The following NALF1 variants were observed in gnomAD, a reference collection of about 807,000 sequenced individuals.
The protein encoded by NALF1 is family with sequence similarity 155 member A.
In NALF1, 3 loss-of-function variants were observed where a neutral mutation model predicts 48.4. The ratio of observed to expected loss-of-function variants is 0.06; its 90% confidence interval spans 0.03 to 0.16. The LOEUF (loss-of-function observed/expected upper bound fraction) is 0.16, where lower values mean the gene tolerates loss of function less well. Ranked by LOEUF, NALF1 falls within the 10% of genes least tolerant of loss-of-function variation. The probability of loss-of-function intolerance (pLI) is 1.00; values close to 1 mark genes in which losing one functional copy is unlikely to be tolerated. For synonymous variants in NALF1, 262 were observed against 245.7 expected, an observed-to-expected ratio of 1.07 and a Z score of -0.62; for missense variants, 526 against 571.5, an observed-to-expected ratio of 0.92 and a Z score of 0.81.
At chr13:107,394,750 T>G (rs983615451) in intron 1 of NALF1, among the ~76,000 whole-genome samples, 4 of 152,050 alleles carry the variant, frequency 2.6e-5, no homozygotes, top group African/African-American at 9.7e-5. Flanking sequence ...AATGAGAAAA[T>G]TATGGACAAT....
At chr13:107,819,964 A>G (rs982970861) in intron 1 of NALF1, among the ~76,000 whole-genome samples, 1 of 152,158 alleles carries the variant, frequency 6.6e-6, no homozygotes, top group Non-Finnish European at 1.5e-5. Flanking sequence ...CCAACGATGT[A>G]TTCATCCACA....
chr13:107,534,889 A>G (rs140218642), intron 1 of NALF1, among the ~76,000 whole-genome samples: 15 of 152,274 alleles, frequency 9.9e-5, no homozygotes, highest in African/African-American at 3.6e-4. Context: ...TTCTGACTCA[A>G]ACGCATCCAC....
At chr13:107,339,399 G>A (rs1882626684) in intron 1 of NALF1, among the ~76,000 whole-genome samples, 6 of 152,086 alleles carry the variant, frequency 3.9e-5, no homozygotes, top group Admixed American at 3.9e-4. Context: ...GCACGTGTGA[G>A]TCATCTAGTA....
chr13:107,566,603 G>A (rs1028326009), intron 1 of NALF1, among the ~76,000 whole-genome samples: 15 of 152,164 alleles, frequency 9.9e-5, no homozygotes, highest in Middle Eastern at 3.2e-3. Context: ...GGGTTCGCAC[G>A]GTAACACCAG....
chr13:107,513,140 A>T (rs143997362), intron 1 of NALF1, among the ~76,000 whole-genome samples: 101 of 152,314 alleles, frequency 6.6e-4, no homozygotes, highest in African/African-American at 2.1e-3. Context: ...AAATAAGACA[A>T]CATTTTTTTA....
chr13:107,647,979 A>C lies in NALF1; in HGVS notation c.915+217703T>G, dbSNP rs1053085910. ...ATTATAGAAAAGAGTAATTTGTTTCAAAATTATGTGTATTACAAAAAGCTA... is the reference window on the plus strand; with the variant it reads ...ATTATAGAAAAGAGTAATTTGTTTCCAAATTATGTGTATTACAAAAAGCTA... On this transcript the variant is annotated intron_variant, in intron 1 of 2. Transcript: ENST00000375915. Among the ~76,000 whole-genome samples the C allele has an allele frequency of 5.9e-5, 9 of 152,166 alleles. 1 individual carries two copies. The highest frequency in any genetic ancestry group is 2.2e-4 in the African/African-American group (9 of 41,432).
At chr13:107,857,784 G>A (rs934790050) in intron 1 of NALF1, among the ~76,000 whole-genome samples, 4 of 152,120 alleles carry the variant, frequency 2.6e-5, no homozygotes, top group African/African-American at 9.7e-5. Context: ...GTTTATAAAA[G>A]TCTTGTAAAT....
chr13:107,186,754 A>G (rs1879183560), intron 2 of NALF1, among the ~76,000 whole-genome samples: 1 of 152,216 alleles, frequency 6.6e-6, no homozygotes, highest in Non-Finnish European at 1.5e-5. Context: ...GTTATAAAAA[A>G]TTGTTACAGA....
intron 1 of NALF1, among the ~76,000 whole-genome samples, chr13:107,442,082 G>A (rs1884569779): frequency 6.6e-6 from 1 of 152,114 alleles, no homozygotes; most frequent in Non-Finnish European, 1.5e-5. Flanking sequence ...ATTTCTGGAG[G>A]GTGAGATTTG....
At chr13:107,679,617 C>T (rs1881224670) in intron 1 of NALF1, among the ~76,000 whole-genome samples, 1 of 152,198 alleles carries the variant, frequency 6.6e-6, no homozygotes, top group Non-Finnish European at 1.5e-5. Context: ...CTCAGCGCCC[C>T]CCACGGGGTC....
intron 1 of NALF1, among the ~76,000 whole-genome samples, chr13:107,615,393 A>G (rs1480455884): frequency 6.6e-6 from 1 of 151,918 alleles, no homozygotes; most frequent in African/African-American, 2.4e-5. Context: ...TCGCATAATT[A>G]TTTTCCCCAT....
In NALF1 at chr13:107,409,271, T is replaced by C. The variant is rs61965867; in HGVS notation, c.916-198516A>G. 1.4e-3 allele frequency among the ~76,000 whole-genome samples: 220 copies of C among 152,318 alleles called. 2 individuals carry two copies. Among genetic ancestry groups the C allele is most frequent in the Non-Finnish European group, 2.0e-3 (135 of 68,026 alleles). On this transcript the variant is annotated intron_variant, in intron 1 of 2. Transcript: ENST00000375915. ...CAAGAATACCAGGCTCTATGCTAGA[T>C]GTTGGAGATACAATGATGAACCAAA...
At chr13:107,190,502 A>G (rs1347279694) in intron 2 of NALF1, among the ~76,000 whole-genome samples, 1 of 152,220 alleles carries the variant, frequency 6.6e-6, no homozygotes, top group Non-Finnish European at 1.5e-5. Context: ...TTGATCTGCC[A>G]GTTTTTAAAA....
chr13:107,338,887 C>A (rs1361994242), intron 1 of NALF1, among the ~76,000 whole-genome samples: 1 of 152,054 alleles, frequency 6.6e-6, no homozygotes. Flanking sequence ...AATCCCAGTA[C>A]TTTGGGAGGC....
chr13:107,325,756 G>A (rs934648380), intron 1 of NALF1, among the ~76,000 whole-genome samples: 3 of 149,842 alleles, frequency 2.0e-5, no homozygotes, highest in African/African-American at 4.9e-5. Context: ...TAGGAGGATT[G>A]CTTGAACCTG....
At chr13:107,427,469 C>A (rs1475791963) in intron 1 of NALF1, among the ~76,000 whole-genome samples, 3 of 151,428 alleles carry the variant, frequency 2.0e-5, no homozygotes, top group East Asian at 1.9e-4. Context: ...TATTTTATTT[C>A]TTAAGAAGAA....
At chr13:107,212,105 C>T (rs1178213399) in intron 1 of NALF1, among the ~76,000 whole-genome samples, 1 of 152,206 alleles carries the variant, frequency 6.6e-6, no homozygotes, top group Non-Finnish European at 1.5e-5. Context: ...CTAAAATCAG[C>T]ATGGCCTTCC....
chr13:107,492,876 T>G (rs1235999623), intron 1 of NALF1, among the ~76,000 whole-genome samples: 1 of 152,172 alleles, frequency 6.6e-6, no homozygotes, highest in African/African-American at 2.4e-5. Flanking sequence ...AAAACATCTG[T>G]GACCAAAAAA....
chr13:107,200,340 C>T (rs971678454), intron 2 of NALF1, among the ~76,000 whole-genome samples: 2 of 151,992 alleles, frequency 1.3e-5, no homozygotes, highest in African/African-American at 2.4e-5. Context: ...GTGTTGGGTC[C>T]CAAAGAGGAA....
Sources: allele counts gnomAD v4.1 joint callset (sites outside exome capture counted in the v4.1 genomes callset), GRCh38; gene constraint gnomAD v4.1.1; transcripts MANE v1.5; gene names NCBI Gene and HGNC (gene_info 2026-07-23, HGNC 2026-07-21).